Variants in FRMPD4 observed in about 807,000 individuals in gnomAD.
FRMPD4 encodes the protein FERM and PDZ domain containing 4, also known as FERM and PDZ domain-containing protein 4.
Under a neutral mutation model 94.1 loss-of-function variants are expected in FRMPD4, and 22 were observed. The observed-to-expected ratio is 0.23, with a 90% CI of 0.17 to 0.33. The LOEUF (loss-of-function observed/expected upper bound fraction) is 0.33, where lower values mean the gene tolerates loss of function less well. Ranked by LOEUF, FRMPD4 falls within the 10% of genes least tolerant of loss-of-function variation. The pLI, the probability that FRMPD4 is intolerant of heterozygous loss-of-function variation, is 1.00. For synonymous variants in FRMPD4, 631 were observed against 548.6 expected, an observed-to-expected ratio of 1.15 and a Z score of -2.10; for missense variants, 1,111 against 1,339.9, an observed-to-expected ratio of 0.83 and a Z score of 2.67.
At chrX:12,166,391 G>A (rs1211157747) in intron 1 of FRMPD4, among the ~76,000 whole-genome samples, 3 of 111,536 alleles carry the variant, frequency 2.7e-5, no homozygotes, top group African/African-American at 6.5e-5. Flanking sequence ...TTGCATCCCA[G>A]GGATGAAGCC....
rs764395332 is a variant in FRMPD4, at chrX:11,865,940, G to A, written c.-30+724G>A. On this transcript the variant is annotated intron_variant, in intron 2 of 18. Transcript: ENST00000640291. Reference sequence around the variant, plus strand: ...AGAATTTGCAAGTAGGTACAGTTATGTCTAAAACTCAAATTTCAAGAAATT... The same window carrying A: ...AGAATTTGCAAGTAGGTACAGTTATATCTAAAACTCAAATTTCAAGAAATT... 4.5e-5 allele frequency among the ~76,000 whole-genome samples: 5 copies of A among 111,884 alleles called. No individual in the cohort carries two copies. In the South Asian group the frequency reaches 1.9e-3, roughly 42 times the overall value.
At chrX:12,502,199 G>C (rs1480962209) in intron 2 of FRMPD4, among the ~76,000 whole-genome samples, 1 of 111,936 alleles carries the variant, frequency 8.9e-6, no homozygotes, top group Non-Finnish European at 1.9e-5. Flanking sequence ...TCATTTATTT[G>C]GCTTGAACAC....
intron 2 of FRMPD4, among the ~76,000 whole-genome samples, chrX:12,597,888 G>A (rs2059046782): frequency 8.9e-6 from 1 of 112,292 alleles, no homozygotes; most frequent in Non-Finnish European, 1.9e-5. Context: ...CAAAGAGAAT[G>A]TCTCAGTTGA....
At chrX:12,273,189 T>C (rs1235485716) in intron 1 of FRMPD4, among the ~76,000 whole-genome samples, 1 of 112,384 alleles carries the variant, frequency 8.9e-6, no homozygotes, top group Admixed American at 9.4e-5. Context: ...AAGAGGACTT[T>C]ATAGGATAGT....
At chrX:12,245,533 T>TC (rs1555940833) in intron 1 of FRMPD4, among the ~76,000 whole-genome samples, 286 of 89,777 alleles carry the variant, frequency 3.2e-3, no homozygotes, top group African/African-American at 0.011. Context: ...TTTTTTTTTT[T>TC]CAAGGAGTTC....
At chrX:12,294,467 T>TACACACACACACACACAC (rs766103055) in intron 1 of FRMPD4, among the ~76,000 whole-genome samples, 204 of 87,257 alleles carry the variant, frequency 2.3e-3, no homozygotes, top group East Asian at 3.5e-3. Context: ...CTCATAACTG[T>TACACACACACACACACAC]ACACACACAC....
chrX:12,159,996 T>C (rs1224608040), intron 1 of FRMPD4, among the ~76,000 whole-genome samples: 8 of 110,228 alleles, frequency 7.3e-5, no homozygotes, highest in African/African-American at 2.6e-4. Context: ...CGAGGGGAAG[T>C]TGTAACACCA....
chrX:12,189,357 A>G (rs2056463129), intron 1 of FRMPD4, among the ~76,000 whole-genome samples: 1 of 111,241 alleles, frequency 9.0e-6, no homozygotes, highest in South Asian at 3.8e-4. Flanking sequence ...GGAAGAAATT[A>G]TACCAGTCCT....
intron 3 of FRMPD4, among the ~76,000 whole-genome samples, chrX:11,932,880 T>C (rs1268073473): frequency 9.0e-6 from 1 of 110,961 alleles, no homozygotes; most frequent in Non-Finnish European, 1.9e-5. Flanking sequence ...CAACCCTTGC[T>C]AAAATAGCAT....
intron 1 of FRMPD4, among the ~76,000 whole-genome samples, chrX:12,159,884 T>C (rs915815684): frequency 2.0e-4 from 22 of 112,091 alleles, no homozygotes; most frequent in Admixed American, 7.6e-4. Flanking sequence ...ATACCTATGG[T>C]GCTTTCCCTT....
chrX:12,531,935 C>T (rs1229474841), intron 2 of FRMPD4, among the ~76,000 whole-genome samples: 2 of 111,660 alleles, frequency 1.8e-5, no homozygotes, highest in African/African-American at 6.5e-5. Context: ...CTTTATAGTT[C>T]TTATATTTAG....
intron 3 of FRMPD4, among the ~76,000 whole-genome samples, chrX:12,040,998 C>T (rs1217800994): frequency 9.0e-6 from 1 of 111,094 alleles, no homozygotes; most frequent in African/African-American, 3.3e-5. Context: ...CTAGGGATTA[C>T]TATACGCATC....
At chrX:12,293,035 A>G (rs1010989041) in intron 1 of FRMPD4, among the ~76,000 whole-genome samples, 1 of 109,141 alleles carries the variant, frequency 9.2e-6, no homozygotes, top group East Asian at 2.8e-4. Context: ...TTCATCACCT[A>G]TCAGGTTGTT....
At chrX:12,614,741 T>G in intron 3 of FRMPD4, 38 bp from the exon 4 acceptor site, 1 of 721,754 alleles carries the variant, frequency 1.4e-6, no homozygotes, top group Non-Finnish European at 2.2e-6. Context: ...AGGTTGCTAA[T>G]GGTCTTCTCA....
chrX:11,991,212 T>G (rs757163272), intron 3 of FRMPD4, among the ~76,000 whole-genome samples: 1 of 111,928 alleles, frequency 8.9e-6, no homozygotes, highest in South Asian at 3.8e-4. Flanking sequence ...TTATACTCAG[T>G]GACAGAGATC....
chrX:12,609,947 T>C, intron 3 of FRMPD4, 66 bp downstream of exon 3: 3 of 1,011,990 alleles, frequency 3.0e-6, no homozygotes, highest in South Asian at 2.1e-5. Flanking sequence ...GAATAACTAC[T>C]GTTCAGTTTC....
chrX:11,972,565 C>T (rs2054345828), intron 3 of FRMPD4, among the ~76,000 whole-genome samples: 1 of 112,041 alleles, frequency 8.9e-6, no homozygotes, highest in Admixed American at 9.4e-5. Context: ...AGCACAGGGG[C>T]TAGAGTCAGA....
At chrX:11,968,730 G>A (rs763746399) in intron 3 of FRMPD4, among the ~76,000 whole-genome samples, 1 of 111,432 alleles carries the variant, frequency 9.0e-6, no homozygotes, top group Non-Finnish European at 1.9e-5. Flanking sequence ...ACACCATAGG[G>A]TCATTGTCAG....
chrX:12,044,048 A>G (rs1040132682), intron 3 of FRMPD4, among the ~76,000 whole-genome samples: 1 of 111,868 alleles, frequency 8.9e-6, no homozygotes, highest in Non-Finnish European at 1.9e-5. Context: ...ATTTTTTACC[A>G]GTTTTCTGAA....
Sources: allele counts gnomAD v4.1 joint callset (sites outside exome capture counted in the v4.1 genomes callset), GRCh38; gene constraint gnomAD v4.1.1; transcripts MANE v1.5; gene names NCBI Gene and HGNC (gene_info 2026-07-23, HGNC 2026-07-21).